IGF1: variants seen among roughly 807,000 people sequenced by gnomAD.
IGF1 encodes the protein insulin like growth factor 1, also known as insulin-like growth factor 1.
A neutral mutation model predicts 13.8 loss-of-function variants in IGF1; 4 were observed. That is an observed-to-expected ratio of 0.29 (90% confidence interval 0.14 to 0.66). IGF1 has a LOEUF of 0.66. IGF1 is among the 30% of genes least tolerant of loss of function. The pLI is 0.78. For synonymous variants in IGF1, 76 were observed against 72.6 expected (o/e 1.05, Z -0.23); for missense variants, 124 against 188.5 (o/e 0.66, Z 2.00).
At chr12:102,402,778 T>C (rs1873796187) in intron 3 of IGF1, among the ~76,000 whole-genome samples, 1 of 152,206 alleles carries the variant, frequency 6.6e-6, no homozygotes, top group Non-Finnish European at 1.5e-5. Flanking sequence ...TATGTACCCC[T>C]GGTGGCGTGA....
chr12:102,457,501 G>C (rs1349817614), intron 2 of IGF1, among the ~76,000 whole-genome samples: 1 of 152,126 alleles, frequency 6.6e-6, no homozygotes, highest in Non-Finnish European at 1.5e-5. Flanking sequence ...CGGCTTGTTT[G>C]CCCAGTATTT....
At chr12:102,431,560 C>T (rs1167860620) in intron 2 of IGF1, among the ~76,000 whole-genome samples, 2 of 152,056 alleles carry the variant, frequency 1.3e-5, no homozygotes, top group African/African-American at 4.8e-5. Context: ...TGAGGCTTAG[C>T]AAGGTTAAGT....
chr12:102,472,852 C>T (rs896801523), intron 2 of IGF1, among the ~76,000 whole-genome samples: 1 of 151,696 alleles, frequency 6.6e-6, no homozygotes, highest in Non-Finnish European at 1.5e-5. Context: ...GCAGCAGCCT[C>T]TAAGTCATTG....
At position 102,419,573 on chromosome 12, in the gene IGF1, T is replaced by C; in HGVS notation, c.338A>G (p.Lys113Arg). 2.5e-6 allele frequency: 4 copies of C among 1,613,914 alleles called. No individual in the cohort carries two copies. The highest frequency in any genetic ancestry group is 3.4e-6 in the Non-Finnish European group (4 of 1,179,994). ...GACAGAGCGAGCTGACTTGGCAGGC[T>C]TGAGGGGTGCGCAATACATCTCCAG... ...RRLEMYCAPL[K>R]PAKSARSVRA... The change falls in exon 3 of 4, where the codon AAG (lysine) becomes AGG (arginine). Residue 113 changes from lysine to arginine, a missense_variant. Physicochemically the swap from Lys to Arg is conservative, Grantham distance 26. Coordinates refer to ENST00000337514, the MANE Select transcript of IGF1 (RefSeq NM_000618.5).
At chr12:102,477,496 A>C (rs1253499442) in intron 1 of IGF1, among the ~76,000 whole-genome samples, 2 of 151,196 alleles carry the variant, frequency 1.3e-5, no homozygotes, top group African/African-American at 4.9e-5. Flanking sequence ...ATAGCCCAAA[A>C]CACTGGGACT....
intron 2 of IGF1, among the ~76,000 whole-genome samples, chr12:102,454,033 T>C (rs1297537465): frequency 2.0e-5 from 3 of 152,204 alleles, no homozygotes; most frequent in Non-Finnish European, 4.4e-5. Flanking sequence ...TGTGCCAACC[T>C]ATCTTTCTGG....
At chr12:102,478,489 T>C (rs1314513900) in intron 1 of IGF1, 7 of 1,609,492 alleles carry the variant, frequency 4.3e-6, no homozygotes, top group Non-Finnish European at 8.5e-7. Context: ...ATACTCACTG[T>C]AGGTGTAATC....
intron 2 of IGF1, among the ~76,000 whole-genome samples, chr12:102,441,953 T>TCCTTCTCCTTC (rs199797730): frequency 7.1e-6 from 1 of 140,222 alleles, no homozygotes; most frequent in Admixed American, 8.1e-5. Flanking sequence ...CTTCTTCTTC[T>TCCTTCTCCTTC]TCTTTTTTTT....
chr12:102,472,404 A>T lies in IGF1; in HGVS notation c.220+3239T>A, dbSNP rs573503241. Among the ~76,000 whole-genome samples the T allele has an allele frequency of 8.0e-4, 122 of 152,248 alleles. 1 individual carries two copies. Among genetic ancestry groups the T allele is most frequent in the African/African-American group, 2.9e-3 (121 of 41,552 alleles). ...CATTACAAAATATTTTATTCAGAAC[A>T]GTTCTAATAGAGTTAAAAAAAAACT... On this transcript the variant is annotated intron_variant, in intron 2 of 3. Coordinates refer to ENST00000337514, the MANE Select transcript of IGF1 (RefSeq NM_000618.5).
At position 102,452,155 on chromosome 12, in the gene IGF1, G is replaced by C. The variant is rs1245232734; in HGVS notation, c.220+23488C>G. ...CGGGCGCCTGTAGTCCCAGCTACTC[G>C]GGAGGCTGAGGCAGGAGAATGGCGT... On this transcript the variant is annotated intron_variant, in intron 2 of 3. Coordinates refer to ENST00000337514, the MANE Select transcript of IGF1 (RefSeq NM_000618.5). Among the ~76,000 whole-genome samples, 4 of 150,394 alleles carry C rather than the reference G, an allele frequency of 2.7e-5. No individual in the cohort carries two copies. In the South Asian group the frequency reaches 8.5e-4, roughly 32 times the overall value.
At chr12:102,411,697 C>T (rs542275086) in intron 3 of IGF1, among the ~76,000 whole-genome samples, 3 of 152,190 alleles carry the variant, frequency 2.0e-5, no homozygotes, top group Non-Finnish European at 2.9e-5. Flanking sequence ...GGCATTTTGA[C>T]CATGTCAGTT....
At chr12:102,457,916 C>T (rs530334871) in intron 2 of IGF1, among the ~76,000 whole-genome samples, 3 of 152,228 alleles carry the variant, frequency 2.0e-5, no homozygotes, top group Middle Eastern at 3.4e-3. Flanking sequence ...CTGGCTTTTT[C>T]GTTTCAGCTT....
chr12:102,421,423 A>G (rs1237353704), intron 2 of IGF1, among the ~76,000 whole-genome samples: 2 of 152,150 alleles, frequency 1.3e-5, no homozygotes, highest in African/African-American at 2.4e-5. Context: ...ATGGGCTTAC[A>G]CTGTCCTTTG....
rs1248400032 is a variant in IGF1 at position 102,399,408 on chromosome 12, T to C, written c.*3099A>G. ...TTACAAATATCTTGAAATTGCCTCA[T>C]TCAAGAATTATAAAGCAATCTAATT... On this transcript the variant is annotated 3_prime_UTR_variant, in exon 4 of 4. Coordinates refer to ENST00000337514, the MANE Select transcript of IGF1 (RefSeq NM_000618.5). 1 of 152,350 alleles carries C rather than the reference T, an allele frequency of 6.6e-6. No homozygotes were observed. Among genetic ancestry groups the C allele is most frequent in the Non-Finnish European group, 1.5e-5 (1 of 68,006 alleles). 9.4% of individuals were successfully genotyped at this position (152,350 alleles called of 1,614,324 possible).
intron 2 of IGF1, among the ~76,000 whole-genome samples, chr12:102,430,395 C>G (rs143552598): frequency 6.6e-6 from 1 of 152,238 alleles, no homozygotes; most frequent in African/African-American, 2.4e-5. Flanking sequence ...TAACTGGATG[C>G]CTGTTTATAT....
chr12:102,417,043 CAG>C (rs1173768691), intron 3 of IGF1, among the ~76,000 whole-genome samples: 2 of 152,310 alleles, frequency 1.3e-5, no homozygotes, highest in Admixed American at 6.5e-5. Context: ...GAGCCCATGA[CAG>C]AGCCTTCTCT....
chr12:102,456,273 C>G (rs1879397489), intron 2 of IGF1, among the ~76,000 whole-genome samples: 1 of 137,322 alleles, frequency 7.3e-6, no homozygotes, highest in Non-Finnish European at 1.6e-5. Context: ...TGTGTATTGT[C>G]TAATCTAGAG....
At chr12:102,464,216 G>T (rs1231749304) in intron 2 of IGF1, among the ~76,000 whole-genome samples, 3 of 151,966 alleles carry the variant, frequency 2.0e-5, no homozygotes, top group African/African-American at 7.3e-5. Context: ...AAAATTACCT[G>T]TTGACTAGAG....
chr12:102,444,268 A>G (rs1878124104), intron 2 of IGF1, among the ~76,000 whole-genome samples: 1 of 151,612 alleles, frequency 6.6e-6, no homozygotes, highest in Non-Finnish European at 1.5e-5. Context: ...TTTCTACCTA[A>G]CAGTTTTGTC....
Sources: allele counts gnomAD v4.1 joint callset (sites outside exome capture counted in the v4.1 genomes callset), GRCh38; gene constraint gnomAD v4.1.1; transcripts MANE v1.5; gene names NCBI Gene and HGNC (gene_info 2026-07-23, HGNC 2026-07-21).